The following KIF24 variants were observed in gnomAD, a reference collection of about 807,000 sequenced individuals.
KIF24 encodes the protein kinesin-like protein KIF24.
A neutral mutation model predicts 118.9 loss-of-function variants in KIF24; 81 were observed. The observed-to-expected ratio is 0.68, with a 90% CI of 0.57 to 0.82. The LOEUF (loss-of-function observed/expected upper bound fraction) is 0.82. Ranked by LOEUF, KIF24 falls within the 40% of genes least tolerant of loss-of-function variation. The probability of loss-of-function intolerance (pLI) is 0.00; values close to 1 mark genes in which losing one functional copy is unlikely to be tolerated. For synonymous variants in KIF24, 599 were observed against 610.0 expected, an observed-to-expected ratio of 0.98 and a Z score of 0.27; for missense variants, 1,560 against 1,661.6, an observed-to-expected ratio of 0.94 and a Z score of 1.06.
intron 1 of KIF24, among the ~76,000 whole-genome samples, chr9:34,316,058 T>C (rs530295681): frequency 1.3e-4 from 19 of 151,496 alleles, no homozygotes; most frequent in African/African-American, 4.4e-4. Context: ...TTTTTAGAAA[T>C]GTTCCATTAT....
At chr9:34,281,293 T>C (rs1388141183) in intron 6 of KIF24, among the ~76,000 whole-genome samples, 3 of 152,156 alleles carry the variant, frequency 2.0e-5, no homozygotes, top group Admixed American at 6.5e-5. Context: ...CCCAAAGTGC[T>C]GGAATTACAG....
Position 34,256,206 on chromosome 9 carries a change from G to A in KIF24, c.3401C>T (p.Pro1134Leu). Residue 1134 changes from proline (P) to leucine (L), a missense_variant, in exon 11 of 13, where the codon CCC (proline) becomes CTC (leucine). Transcript: ENST00000402558. ...CTTGTCAGCTGGGTGCTGACGGATG[G>A]GTGATGGGGACAGAGCTGGAAGATC... Reference protein sequence around the residue: ...GGDLPALSPSPIRQHPADKLP... With the variant: ...GGDLPALSPSLIRQHPADKLP... 3.1e-6 allele frequency: 5 copies of A among 1,602,668 alleles called. No individual in the cohort carries two copies. Among genetic ancestry groups the A allele is most frequent in the Non-Finnish European group, 4.3e-6 (5 of 1,173,000 alleles).
chr9:34,306,602 A>G (rs1255892584), intron 2 of KIF24, among the ~76,000 whole-genome samples, 161 bp from the exon 3 acceptor site: 1 of 152,182 alleles, frequency 6.6e-6, no homozygotes, highest in African/African-American at 2.4e-5. Flanking sequence ...GGAGATCAAG[A>G]CCATCCTGGC....
At chr9:34,266,866 T>C (rs1835313974) in intron 8 of KIF24, among the ~76,000 whole-genome samples, 1 of 152,214 alleles carries the variant, frequency 6.6e-6, no homozygotes, top group African/African-American at 2.4e-5. Flanking sequence ...AGGAACATTC[T>C]TGAAACAGCT....
chr9:34,254,945 TCA>T (rs1403096842), intron 12 of KIF24, 125 bp downstream of exon 12: 1 of 650,652 alleles, frequency 1.5e-6, no homozygotes, highest in Non-Finnish European at 2.7e-6. Flanking sequence ...GTGTGAGGCC[TCA>T]GTTATGGTTA....
chr9:34,311,723 TAC>T (rs1392189985), intron 1 of KIF24, among the ~76,000 whole-genome samples: 1 of 136,434 alleles, frequency 7.3e-6, no homozygotes, highest in African/African-American at 2.7e-5. Flanking sequence ...TATATGTATA[TAC>T]ACGTATATAT....
chr9:34,295,153 T>C (rs1168936630), intron 4 of KIF24, among the ~76,000 whole-genome samples: 1 of 151,512 alleles, frequency 6.6e-6, no homozygotes, highest in African/African-American at 2.4e-5. Flanking sequence ...GTAGATTAGA[T>C]AGGTAGGTAG....
chr9:34,272,884 A>T (rs1835557030), intron 6 of KIF24, among the ~76,000 whole-genome samples: 1 of 152,056 alleles, frequency 6.6e-6, no homozygotes, highest in South Asian at 2.1e-4. Flanking sequence ...TCGGTCCCTC[A>T]AAGTGGTAGG....
chr9:34,282,540 G>A (rs1835883950), intron 6 of KIF24: 1 of 152,116 alleles, frequency 6.6e-6, no homozygotes. Context: ...CATTCCTGGA[G>A]GTCTTGCACT....
At chr9:34,322,253 G>T (rs564848879) in intron 1 of KIF24, among the ~76,000 whole-genome samples, 1 of 152,230 alleles carries the variant, frequency 6.6e-6, no homozygotes, top group South Asian at 2.1e-4. Context: ...GGTCCTGCCT[G>T]CTCCTAGTCC....
At chr9:34,309,162 C>G (rs1399454735) in intron 2 of KIF24, among the ~76,000 whole-genome samples, 1 of 152,116 alleles carries the variant, frequency 6.6e-6, no homozygotes, top group Non-Finnish European at 1.5e-5. Flanking sequence ...TCCATCCTAT[C>G]CTTGATGGTG....
intron 6 of KIF24, chr9:34,282,398 G>C (rs1006624066): frequency 6.6e-6 from 1 of 152,044 alleles, no homozygotes; most frequent in Non-Finnish European, 1.5e-5. Flanking sequence ...AACTGCTAAT[G>C]GAGTTTCATT....
chr9:34,297,434 C>CGA (rs1251369608), intron 3 of KIF24, among the ~76,000 whole-genome samples: 1 of 152,142 alleles, frequency 6.6e-6, no homozygotes, highest in Non-Finnish European at 1.5e-5. Context: ...GGATTATCCT[C>CGA]GTATTCCAAC....
At chr9:34,321,496 G>A (rs11999814) in intron 1 of KIF24, among the ~76,000 whole-genome samples, 3,455 of 145,326 alleles carry the variant, frequency 0.024, 146 homozygotes, top group African/African-American at 0.083. Context: ...ATTTGCAGGA[G>A]ACAGGTTCTG....
Position 34,257,643 on chromosome 9 carries a change from C to G in KIF24, c.1964G>C (p.Gly655Ala). 1 of 1,614,014 alleles carries G rather than the reference C, an allele frequency of 6.2e-7. No individual in the cohort carries two copies. The highest frequency in any genetic ancestry group is 2.2e-5 in the East Asian group (1 of 44,884). Residue 655 changes from glycine to alanine, a missense_variant, in exon 11 of 13, where the codon GGA (glycine) becomes GCA (alanine). Around this residue, in one of 3 missense-constraint regions of KIF24, gnomAD observed 964 missense variants for 988.0 expected, o/e 0.98. Coordinates refer to ENST00000402558, the MANE Select transcript of KIF24 (RefSeq NM_194313.4). ...ASPVKGTVRS[G>A]HVAKKKPEES... ...TTCTGGCTTTTTTTTGGCCACATGT[C>G]CAGAGCGCACAGTTCCTTTCACAGG...
chr9:34,266,823 T>C (rs1453323760), intron 8 of KIF24, among the ~76,000 whole-genome samples: 1 of 151,998 alleles, frequency 6.6e-6, no homozygotes, highest in Non-Finnish European at 1.5e-5. Context: ...CAGGAAGCTA[T>C]CAAGAACGAG....
chr9:34,311,195 C>G lies in KIF24; in HGVS notation c.152G>C (p.Arg51Pro). 6.2e-7 allele frequency: 1 copy of G among 1,613,038 alleles called. No individual in the cohort carries two copies. Among genetic ancestry groups the G allele is most frequent in the Non-Finnish European group, 8.5e-7 (1 of 1,179,272 alleles). Residue 51 changes from arginine to proline, a missense_variant, in exon 2 of 13, where the codon CGC becomes CCC. Arg to Pro is a moderately radical substitution (Grantham distance 103). Transcript: ENST00000402558. ...SKLGVHDMNDRKRLFQLIKII... is the reference protein window; with the variant it reads ...SKLGVHDMNDPKRLFQLIKII... ...TTTGATAAGTTGGAAGAGACGTTTG[C>G]GGTCGTTCATGTCATGGACTCCTAA...
chr9:34,303,685 C>A (rs760788512), intron 3 of KIF24, among the ~76,000 whole-genome samples: 3 of 151,754 alleles, frequency 2.0e-5, no homozygotes, highest in South Asian at 2.1e-4. Flanking sequence ...CTCATCTCTA[C>A]AAAAAATACA....
At chr9:34,269,750 T>C (rs183678529) in intron 7 of KIF24, among the ~76,000 whole-genome samples, 1 of 152,134 alleles carries the variant, frequency 6.6e-6, no homozygotes, top group Non-Finnish European at 1.5e-5. Flanking sequence ...GCCAGCATTC[T>C]GTGACCACTG....
Sources: gnomAD v4.1 joint callset for allele counts (sites outside exome capture counted in the v4.1 genomes callset) on GRCh38, gnomAD v4.1.1 for gene constraint, gnomAD v4.1.1 regional missense constraint, MANE v1.5 for transcripts, NCBI Gene and HGNC (gene_info 2026-07-23, HGNC 2026-07-21) for gene names.